Variants in ARRB2 observed in about 807,000 individuals in gnomAD.
The protein encoded by ARRB2 is beta-arrestin-2.
ARRB2 carries 21 observed loss-of-function variants against 53.4 expected under a neutral mutation model. The observed-to-expected ratio is 0.39, with a 90% CI of 0.28 to 0.57. The LOEUF (loss-of-function observed/expected upper bound fraction) is 0.57, where lower values mean the gene tolerates loss of function less well. Ranked by LOEUF, ARRB2 falls within the 20% of genes least tolerant of loss-of-function variation. The pLI is 0.55. For missense variants in ARRB2, 369 were observed against 527.5 expected (o/e 0.70, Z 2.94); for synonymous variants, 180 against 212.9 (o/e 0.85, Z 1.34).
rs202087979 is a variant in ARRB2 at position 4,718,717 on chromosome 17, A to G, written c.779+33A>G. 1.0e-5 allele frequency: 16 copies of G among 1,588,714 alleles called. No homozygotes were observed. In the African/African-American group the frequency reaches 1.8e-4, roughly 17 times the overall value. The stretch of plus-strand genomic sequence containing the variant: ...TCGGGAGAGACCCATGTTCCAATCT[A>G]GGGGAGAAGAGCAGGATCAGGAGAA... On this transcript the variant is annotated intron_variant, in intron 10 of 14. Coordinates refer to ENST00000269260, the MANE Select transcript of ARRB2 (RefSeq NM_004313.4).
At chr17:4,715,676 CCTG>C in intron 2 of ARRB2, 1 of 437,082 alleles carries the variant, frequency 2.3e-6, no homozygotes, top group Non-Finnish European at 4.1e-6. Flanking sequence ...CACACACACA[CCTG>C]ACTGGTTGGC....
intron 2 of ARRB2, chr17:4,715,706 CACACACACACACACACACAA>C (rs772545184): frequency 0.053 from 26,174 of 492,458 alleles, 417 homozygotes; most frequent in Middle Eastern, 0.11. Flanking sequence ...CACACACACA[CACACACACACACACACACAA>C]ACACACACAC....
At chr17:4,716,107 C>T (rs371317224) in intron 3 of ARRB2, 40 bp from the exon 4 acceptor site, 17 of 1,613,976 alleles carry the variant, frequency 1.1e-5, no homozygotes, top group Middle Eastern at 3.3e-4. Flanking sequence ...AAGCGGGGAG[C>T]GGCCCTTTCA....
At chr17:4,720,563 A>G (rs1454998985) in intron 13 of ARRB2, 23 bp from the exon 14 acceptor site, 1 of 1,314,624 alleles carries the variant, frequency 7.6e-7, no homozygotes, top group East Asian at 2.9e-5. Flanking sequence ...CCACCCCCAC[A>G]CCCCCTCTTC....
chr17:4,715,732 C>CACAA, intron 2 of ARRB2: 1 of 472,288 alleles, frequency 2.1e-6, no homozygotes, highest in Non-Finnish European at 3.8e-6. Context: ...CACAAACACA[C>CACAA]ACACACCGGG....
At chr17:4,713,673 C>T (rs1914660904) in intron 1 of ARRB2, among the ~76,000 whole-genome samples, 2 of 150,678 alleles carry the variant, frequency 1.3e-5, no homozygotes. Context: ...ACCTCTAATC[C>T]CAGCTACTCA....
At chr17:4,718,099 A>G (rs1029160423) in intron 8 of ARRB2, 76 bp downstream of exon 8, 26 of 1,596,022 alleles carry the variant, frequency 1.6e-5, no homozygotes, top group Non-Finnish European at 2.0e-5. Flanking sequence ...ACACATCAAG[A>G]GGACATTTGT....
intron 10 of ARRB2, 69 bp from the exon 11 acceptor site, chr17:4,719,214 G>T: frequency 6.4e-7 from 1 of 1,551,122 alleles, no homozygotes; most frequent in Non-Finnish European, 8.8e-7. Flanking sequence ...ATGCTGCTTG[G>T]GGGTCATAGG....
chr17:4,718,283 T>A lies in ARRB2; in HGVS notation c.644T>A (p.Leu215His). 6.2e-7 allele frequency: 1 copy of A among 1,611,954 alleles called. No individual in the cohort carries two copies. Among genetic ancestry groups the A allele is most frequent in the Non-Finnish European group, 8.5e-7 (1 of 1,179,162 alleles). The part of the protein sequence containing the change: ...DKELYYHGEP[L>H]NVNVHVTNNS... ...AAGCTGTACTACCATGGGGAGCCCCTCAATGTAAATGTCCACGTCACCAAC... is the reference window on the plus strand; with the variant it reads ...AAGCTGTACTACCATGGGGAGCCCCACAATGTAAATGTCCACGTCACCAAC... Residue 215 changes from leucine to histidine, a missense_variant, in exon 9 of 15, where the codon CTC becomes CAC. Physicochemically the swap from Leu to His is moderately conservative, Grantham distance 99 (BLOSUM62 -3). Coordinates refer to ENST00000269260, the MANE Select transcript of ARRB2 (RefSeq NM_004313.4).
chr17:4,718,782 C>CTTTTTTTTTTTTTTTTTTTTT (rs11463798), intron 10 of ARRB2, 98 bp downstream of exon 10: 1 of 825,416 alleles, frequency 1.2e-6, no homozygotes. Flanking sequence ...CCATCTCCAC[C>CTTTTTTTTTTTTTTTTTTTTT]TTTTTTTTTT....
chr17:4,714,806 A>T (rs144830084), intron 1 of ARRB2: 68,357 of 375,172 alleles, frequency 0.18, 8,270 homozygotes, highest in Non-Finnish European at 0.25. Context: ...ACCTTCCGGG[A>T]AGAAGGGTTC....
intron 11 of ARRB2, 46 bp downstream of exon 11, chr17:4,719,466 C>T (rs371893724): frequency 4.3e-5 from 69 of 1,603,134 alleles, no homozygotes; most frequent in Middle Eastern, 3.3e-4. Flanking sequence ...AGGGGCCAGA[C>T]GTCGGTTCAG....
chr17:4,719,185 A>G, intron 10 of ARRB2, 98 bp from the exon 11 acceptor site: 1 of 1,432,700 alleles, frequency 7.0e-7, no homozygotes, highest in African/African-American at 1.4e-5. Flanking sequence ...CAAAGAAACA[A>G]GGGACTAGTG....
Position 4,719,393 on chromosome 17 carries a change from AG to A in ARRB2, c.892del (p.Asp298ThrfsTer10). 1 of 1,614,138 alleles carries A rather than the reference AG, an allele frequency of 6.2e-7. No individual in the cohort carries two copies. Among genetic ancestry groups the A allele is most frequent in the Non-Finnish European group, 8.5e-7 (1 of 1,180,012 alleles). ...GCCCTGGATGGGAAACTCAAGCACG[AG>A]GACACCAACCTGGCTTCCAGCACCA... ...GLALDGKLKH[E>X]DTNLASSTIV... On this transcript the variant is annotated frameshift_variant, in exon 11 of 15. Transcript: ENST00000269260. LOFTEE classifies it high-confidence loss of function.
At position 4,717,940 on chromosome 17, in the gene ARRB2, G is replaced by A. The variant is rs1915245961; in HGVS notation, c.538G>A (p.Gly180Ser). 1.2e-6 allele frequency: 2 copies of A among 1,613,776 alleles called. No homozygotes were observed. The highest frequency in any genetic ancestry group is 1.3e-5 in the African/African-American group (1 of 75,056). The change falls in exon 8 of 15, where the codon GGC becomes AGC. Residue 180 changes from glycine (G) to serine (S), a missense_variant. By Grantham distance (56) the Gly-to-Ser change is moderately conservative. Transcript: ENST00000269260. The surrounding 1 kb of genome is among the most constrained non-coding windows in gnomAD (Gnocchi z 6.0). ...GGTGCAGTTCGCCCCGGAGAAACCC[G>A]GCCCCCAGCCTTCAGCCGAAACCAC... Reference protein sequence around the residue: ...RKVQFAPEKPGPQPSAETTRH... With the variant: ...RKVQFAPEKPSPQPSAETTRH...
intron 1 of ARRB2, chr17:4,714,423 A>C (rs1265277508): frequency 6.3e-6 from 1 of 159,066 alleles, no homozygotes; most frequent in Non-Finnish European, 1.4e-5. Flanking sequence ...CCAGATGGAA[A>C]GATGGTTAGG....
At position 4,720,239 on chromosome 17, in the gene ARRB2, A is replaced by T. The variant is rs1315762476; in HGVS notation, c.941A>T (p.Glu314Val). Residue 314 changes from glutamate to valine, a missense_variant, in exon 12 of 15, where the codon GAG becomes GTG. Transcript: ENST00000269260. ...STIVKEGANK[E>V]VLGILVSYRV... The stretch of plus-strand genomic sequence containing the variant: ...AGCGTGAAGGAGGGTGCCAACAAGG[A>T]GGTGCTGGGAATCCTGGTGTCCTAC... The T allele has an allele frequency of 6.2e-7, 1 of 1,613,566 alleles. No homozygotes were observed. The highest frequency in any genetic ancestry group is 2.2e-5 in the East Asian group (1 of 44,846).
At chr17:4,714,918 G>A (rs1338472328) in intron 1 of ARRB2, 95 bp from the exon 2 acceptor site, 2 of 1,331,874 alleles carry the variant, frequency 1.5e-6, no homozygotes, top group Non-Finnish European at 2.1e-6. Context: ...GCCTGGGTGA[G>A]CACTGCTTCT....
At chr17:4,718,059 C>A in intron 8 of ARRB2, 36 bp downstream of exon 8, 1 of 1,610,318 alleles carries the variant, frequency 6.2e-7, no homozygotes. Flanking sequence ...TGCCACGGTG[C>A]AGTTTAGACC....
Sources: allele counts gnomAD v4.1 joint callset (sites outside exome capture counted in the v4.1 genomes callset), GRCh38; gene constraint gnomAD v4.1.1; non-coding constraint Gnocchi (gnomAD v3.1); transcripts MANE v1.5; gene names NCBI Gene and HGNC (gene_info 2026-07-23, HGNC 2026-07-21).